Variants in BOC observed in about 807,000 individuals in gnomAD.
BOC encodes the protein BOC cell adhesion associated, oncogene regulated.
A neutral mutation model predicts 112.0 loss-of-function variants in BOC; 76 were observed. The ratio of observed to expected loss-of-function variants is 0.68; its 90% CI spans 0.56 to 0.82. The LOEUF is 0.82. Ranked by LOEUF, BOC falls within the 40% of genes least tolerant of loss-of-function variation. BOC has a pLI of 0.00. For synonymous variants in BOC, 580 were observed against 599.8 expected (o/e 0.97, Z 0.48); for missense variants, 1,309 against 1,511.7 (o/e 0.87, Z 2.22).
intron 5 of BOC, chr3:113,270,202 T>TC: frequency 6.6e-6 from 1 of 152,256 alleles, no homozygotes. Flanking sequence ...TGGCTATGAC[T>TC]GGTGGGAAGA....
intron 9 of BOC, among the ~76,000 whole-genome samples, chr3:113,277,653 T>C (rs943960051): frequency 6.6e-6 from 1 of 152,242 alleles, no homozygotes. Context: ...TAGCGAATGT[T>C]GCTATTTTAA....
intron 2 of BOC, among the ~76,000 whole-genome samples, chr3:113,222,549 C>CT (rs1232250521): frequency 9.2e-5 from 14 of 152,192 alleles, no homozygotes; most frequent in Middle Eastern, 3.2e-3. Context: ...CTCAAGGTAA[C>CT]TGCCCTCAGG....
chr3:113,243,409 G>A (rs984384401), intron 2 of BOC, among the ~76,000 whole-genome samples: 12 of 152,146 alleles, frequency 7.9e-5, no homozygotes, highest in Non-Finnish European at 1.5e-5. Context: ...CTAAATAGGC[G>A]TTCTGCCTTA....
In BOC at chr3:113,286,827, C is replaced by G; in HGVS notation, c.3313C>G (p.Arg1105Gly). 2.5e-6 allele frequency: 4 copies of G among 1,603,110 alleles called. No individual in the cohort carries two copies. Among genetic ancestry groups the G allele is most frequent in the Non-Finnish European group, 3.4e-6 (4 of 1,175,626 alleles). ...GCAGCTCTCCCCGGGGCCACTGGTG[C>G]GTGTGTCTTTTGAAACACCACCTCT... Reference protein sequence around the residue: ...GMQLSPGPLVRVSFETPPLTI With the variant: ...GMQLSPGPLVGVSFETPPLTI The change falls in exon 20 of 20, where the codon CGT (arginine) becomes GGT (glycine). Residue 1105 changes from arginine to glycine, a missense_variant. Arg to Gly is a moderately radical substitution (Grantham distance 125). Transcript: ENST00000682979.
intron 4 of BOC, among the ~76,000 whole-genome samples, chr3:113,263,928 T>C (rs1947171660): frequency 2.0e-5 from 3 of 152,226 alleles, no homozygotes; most frequent in Non-Finnish European, 2.9e-5. Flanking sequence ...ATGTGCCCTT[T>C]GAATGTGAAG....
intron 2 of BOC, among the ~76,000 whole-genome samples, chr3:113,218,329 C>T (rs1455958472): frequency 6.6e-6 from 1 of 152,188 alleles, no homozygotes; most frequent in Non-Finnish European, 1.5e-5. Context: ...TATTACAATC[C>T]TAGCAGGTTT....
intron 2 of BOC, among the ~76,000 whole-genome samples, chr3:113,219,489 G>T (rs1940157611): frequency 6.6e-6 from 1 of 152,220 alleles, no homozygotes; most frequent in African/African-American, 2.4e-5. Context: ...TAATTGTAGG[G>T]ACTTGTTCTA....
At chr3:113,284,645 C>T (rs1949504956) in intron 17 of BOC, 78 bp downstream of exon 17, 3 of 1,529,674 alleles carry the variant, frequency 2.0e-6, no homozygotes, top group South Asian at 2.3e-5. Context: ...GGGGCCTCCT[C>T]CCTCCTAGGG....
chr3:113,252,924 G>C (rs112746188), intron 4 of BOC, among the ~76,000 whole-genome samples: 72 of 152,296 alleles, frequency 4.7e-4, no homozygotes, highest in African/African-American at 1.6e-3. Flanking sequence ...AGGCTTGGGT[G>C]TTGAAGGTAG....
Position 113,274,536 on chromosome 3 carries a change from A to G in BOC, c.1396A>G (p.Lys466Glu). 1.9e-6 allele frequency: 3 copies of G among 1,613,350 alleles called. No homozygotes were observed. The highest frequency in any genetic ancestry group is 2.5e-6 in the Non-Finnish European group (3 of 1,179,892). The change falls in exon 9 of 20, where the codon AAG becomes GAG. Residue 466 changes from lysine to glutamate, a missense_variant. Physicochemically the swap from Lys to Glu is moderately conservative, Grantham distance 56. Coordinates refer to ENST00000682979, the MANE Select transcript of BOC (RefSeq NM_001378074.1). This position sits in a 1 kb window ranked among gnomAD's most constrained non-coding sequence, Gnocchi z 4.8. ...TGCTTCCCCGCAGTGTCCAGGAGAG[A>G]AGGGGCAGGGGGCTCCCGCCGAGGC... Reference protein sequence around the residue: ...GPASPQCPGEKGQGAPAEAPI... With the variant: ...GPASPQCPGEEGQGAPAEAPI...
chr3:113,273,546 T>A (rs1017659989), intron 8 of BOC, among the ~76,000 whole-genome samples: 1 of 152,288 alleles, frequency 6.6e-6, no homozygotes. Context: ...TTTAAAAAAA[T>A]ATTTCTGTGG....
rs989327816 is a variant in BOC at position 113,284,873 on chromosome 3, C to A, written c.2966+15C>A. ...CAGATCACGAGGTAACCAGGCCTCT[C>A]CCCTTTCACTCCCAAGCCCCACAGC... On this transcript the variant is annotated intron_variant, in intron 18 of 19. Transcript: ENST00000682979. 26 of 1,611,374 alleles carry A rather than the reference C, an allele frequency of 1.6e-5. No individual in the cohort carries two copies. The highest frequency in any genetic ancestry group is 2.0e-5 in the Non-Finnish European group (24 of 1,177,496).
At position 113,284,690 on chromosome 3, in the gene BOC, G is replaced by C; in HGVS notation, c.2890-92G>C. 5 of 1,520,636 alleles carry C rather than the reference G, an allele frequency of 3.3e-6. No homozygotes were observed. The East Asian group carries it at 1.1e-4, about 34-fold the overall frequency. The allele number at this position is 1,520,636 out of a possible 1,614,324, so 94.2% of individuals were successfully genotyped here. ...GGGCTGCTGGGCCAGGCTTTCTTTA[G>C]TCAGGAGCAGATGCTCCTGTTGTTG... On this transcript the variant is annotated intron_variant, in intron 17 of 19. Transcript: ENST00000682979.
chr3:113,270,882 C>G lies in BOC; in HGVS notation c.605C>G (p.Ala202Gly). Residue 202 changes from alanine (A) to glycine (G), a missense_variant, in exon 6 of 20, where the codon GCC (alanine) becomes GGC (glycine). Physicochemically the swap from Ala to Gly is moderately conservative, Grantham distance 60. Coordinates refer to ENST00000682979, the MANE Select transcript of BOC (RefSeq NM_001378074.1). ...GACGAGGGCATGTACAAGTGTGCAG[C>G]CTACAACCCAGTGACCCAGGAAGTG... ...QEDEGMYKCA[A>G]YNPVTQEVKT... is the part of the protein sequence containing the mutation. 2.5e-6 allele frequency: 4 copies of G among 1,614,238 alleles called. No individual in the cohort carries two copies. The highest frequency in any genetic ancestry group is 2.5e-6 in the Non-Finnish European group (3 of 1,180,042).
chr3:113,270,802 T>G lies in BOC; in HGVS notation c.525T>G (p.Gly175=), dbSNP rs201349306. 1.2e-6 allele frequency: 2 copies of G among 1,609,920 alleles called. No homozygotes were observed. Among genetic ancestry groups the G allele is most frequent in the Non-Finnish European group, 1.7e-6 (2 of 1,177,880 alleles). Residue 175 remains glycine (G), a splice_region_variant and synonymous_variant, in exon 6 of 20, where the codon GGT becomes GGG. Transcript: ENST00000682979. The part of the protein sequence containing the change: ...VKQEWLEASR[G]NYLIMPSGNL... Reference sequence around the variant, plus strand: ...CCCCTGGCCCTGCCCTTTCCACAGGTAACTACCTGATCATGCCCTCAGGGA... The same window carrying G: ...CCCCTGGCCCTGCCCTTTCCACAGGGAACTACCTGATCATGCCCTCAGGGA...
intron 2 of BOC, among the ~76,000 whole-genome samples, chr3:113,229,961 C>T (rs751808853): frequency 2.0e-5 from 3 of 152,206 alleles, no homozygotes; most frequent in Non-Finnish European, 2.9e-5. Flanking sequence ...AAGCTCCCAT[C>T]TCCCCAGAGA....
chr3:113,256,300 G>A (rs1946215355), intron 4 of BOC, among the ~76,000 whole-genome samples: 1 of 152,176 alleles, frequency 6.6e-6, no homozygotes, highest in East Asian at 1.9e-4. Context: ...CTTATAAAGA[G>A]AGAACTAACC....
Position 113,278,480 on chromosome 3 carries a change from A to T in BOC, c.1706-193A>T, listed in dbSNP as rs1948868883. Among the ~76,000 whole-genome samples the T allele has an allele frequency of 6.6e-6, 1 of 151,762 alleles. No individual in the cohort carries two copies. The highest frequency in any genetic ancestry group is 2.4e-5 in the African/African-American group (1 of 41,268). ...TCTGGCACCCCTTCATCCCTCTCTC[A>T]CACAGGGGCCAGCAATAGTACCACA... On this transcript the variant is annotated intron_variant, in intron 10 of 19. Transcript: ENST00000682979. This position sits in a 1 kb window ranked among gnomAD's most constrained non-coding sequence, Gnocchi z 4.2.
intron 15 of BOC, 116 bp from the exon 16 acceptor site, chr3:113,283,295 T>C (rs1949359536): frequency 7.9e-6 from 8 of 1,017,988 alleles, no homozygotes; most frequent in Non-Finnish European, 1.2e-5. Context: ...AGGCCCAATC[T>C]AGTGAGTCTG....
Sources: allele counts gnomAD v4.1 joint callset (sites outside exome capture counted in the v4.1 genomes callset), GRCh38; gene constraint gnomAD v4.1.1; non-coding constraint Gnocchi (gnomAD v3.1); transcripts MANE v1.5; gene names NCBI Gene and HGNC (gene_info 2026-07-23, HGNC 2026-07-21).